The following RGL1 variants were observed in gnomAD, a reference collection of about 807,000 sequenced individuals.
RGL1 encodes the protein ral guanine nucleotide dissociation stimulator like 1.
RGL1 carries 24 observed loss-of-function variants against 95.2 expected under a neutral mutation model. The observed-to-expected ratio is 0.25, with a 90% CI of 0.18 to 0.35. RGL1 has a LOEUF of 0.35. Among genes scored for constraint, RGL1 ranks in the 10% least tolerant of loss-of-function variants. RGL1 has a pLI of 1.00. For synonymous variants in RGL1, 329 were observed against 344.9 expected, an observed-to-expected ratio of 0.95 and a Z score of 0.51; for missense variants, 715 against 936.3, an observed-to-expected ratio of 0.76 and a Z score of 3.08.
intron 1 of RGL1, among the ~76,000 whole-genome samples, chr1:183,679,164 A>C (rs1010329342): frequency 4.6e-5 from 7 of 152,144 alleles, no homozygotes; most frequent in African/African-American, 1.7e-4. Flanking sequence ...GAACCTTTTA[A>C]ATTTCTACCT....
At chr1:183,647,178 C>T (rs1211212933) in intron 1 of RGL1, 3 of 152,838 alleles carry the variant, frequency 2.0e-5, no homozygotes, top group Admixed American at 1.9e-4. Flanking sequence ...TTTTGAATCA[C>T]TTTAGAAAAA....
chr1:183,639,911 C>T (rs1649808681), intron 1 of RGL1, among the ~76,000 whole-genome samples: 1 of 151,792 alleles, frequency 6.6e-6, no homozygotes, highest in Non-Finnish European at 1.5e-5. Flanking sequence ...GGCACAATCT[C>T]AGCTCACTGC....
intron 3 of RGL1, among the ~76,000 whole-genome samples, chr1:183,853,332 GA>G (rs993172118): frequency 1.2e-4 from 18 of 150,982 alleles, no homozygotes; most frequent in East Asian, 5.8e-4. Flanking sequence ...CTGTCTAAAA[GA>G]AAAAAAAAGT....
At chr1:183,820,622 T>C (rs1257545529) in intron 2 of RGL1, among the ~76,000 whole-genome samples, 1 of 152,156 alleles carries the variant, frequency 6.6e-6, no homozygotes, top group Non-Finnish European at 1.5e-5. Flanking sequence ...TCTAGGCCTG[T>C]GCTGTTCAAT....
intron 1 of RGL1, among the ~76,000 whole-genome samples, chr1:183,731,486 C>T (rs1656627459): frequency 6.6e-6 from 1 of 152,150 alleles, no homozygotes; most frequent in African/African-American, 2.4e-5. Context: ...AAAGGTAGCA[C>T]AGATAAGGAA....
intron 4 of RGL1, among the ~76,000 whole-genome samples, chr1:183,870,705 A>G (rs1004892181): frequency 7.9e-5 from 12 of 152,208 alleles, no homozygotes; most frequent in African/African-American, 1.9e-4. Context: ...TTAAATGTCA[A>G]TAGTGCCTAA....
rs887342174 is a variant in RGL1, at chr1:183,691,749, C to T, written c.-32-50377C>T. On this transcript the variant is annotated intron_variant, in intron 1 of 18. Coordinates refer to the RGL1 transcript ENST00000304685. ...CATAGAATTCAGTTTAATTGGAGGA[C>T]CTGAGAAATTTGTTGACACTGGAAA... Among the ~76,000 whole-genome samples the T allele has an allele frequency of 4.1e-4, 62 of 152,054 alleles. 1 individual carries two copies. The highest frequency in any genetic ancestry group is 1.4e-3 in the African/African-American group (60 of 41,500).
intron 2 of RGL1, among the ~76,000 whole-genome samples, chr1:183,772,556 A>T (rs982388554): frequency 5.9e-5 from 9 of 152,044 alleles, no homozygotes; most frequent in Non-Finnish European, 1.2e-4. Context: ...TTCACTGGAA[A>T]CTCTACTCCC....
chr1:183,684,722 G>A (rs754638702), intron 1 of RGL1, among the ~76,000 whole-genome samples: 66 of 152,200 alleles, frequency 4.3e-4, no homozygotes, highest in Non-Finnish European at 7.5e-4. Flanking sequence ...GTGGTGTAGG[G>A]ACCCGAGGGA....
At chr1:183,662,133 C>T (rs2102027648) in intron 1 of RGL1, among the ~76,000 whole-genome samples, 1 of 151,578 alleles carries the variant, frequency 6.6e-6, no homozygotes, top group Non-Finnish European at 1.5e-5. Context: ...TCGAAGCATT[C>T]CCTTTGAAAA....
At chr1:183,787,067 G>A (rs568057939) in intron 2 of RGL1, among the ~76,000 whole-genome samples, 14 of 152,338 alleles carry the variant, frequency 9.2e-5, no homozygotes, top group African/African-American at 3.1e-4. Context: ...ACAGAGGAAC[G>A]TGGACAATTT....
chr1:183,825,789 C>G (rs1662805232), intron 2 of RGL1, among the ~76,000 whole-genome samples: 1 of 152,252 alleles, frequency 6.6e-6, no homozygotes, highest in Admixed American at 6.5e-5. Flanking sequence ...CTCATAGCAA[C>G]AAAAACTGAC....
chr1:183,787,918 G>C (rs1660259173), intron 2 of RGL1, among the ~76,000 whole-genome samples: 3 of 152,136 alleles, frequency 2.0e-5, no homozygotes, highest in Admixed American at 2.0e-4. Flanking sequence ...CTTCCACTAT[G>C]AGTGGAAGTA....
chr1:183,757,821 C>A (rs1221816263), intron 2 of RGL1, among the ~76,000 whole-genome samples: 1 of 152,170 alleles, frequency 6.6e-6, no homozygotes, highest in Non-Finnish European at 1.5e-5. Context: ...TGTTTGGTGG[C>A]AGAGTAAGAT....
At chr1:183,918,506 C>T (rs1669122786) in intron 16 of RGL1, among the ~76,000 whole-genome samples, 1 of 152,218 alleles carries the variant, frequency 6.6e-6, no homozygotes, top group African/African-American at 2.4e-5. Flanking sequence ...TGGATTTGTA[C>T]ACCAAACAGT....
At chr1:183,817,542 G>A (rs1662169125) in intron 2 of RGL1, among the ~76,000 whole-genome samples, 1 of 151,998 alleles carries the variant, frequency 6.6e-6, no homozygotes, top group African/African-American at 2.4e-5. Flanking sequence ...ATTCATATGG[G>A]ATCCCCCTGA....
chr1:183,722,288 AAGCTT>A (rs1656055365), intron 1 of RGL1, among the ~76,000 whole-genome samples: 1 of 152,034 alleles, frequency 6.6e-6, no homozygotes, highest in African/African-American at 2.4e-5. Flanking sequence ...ATCCAAAATG[AAGCTT>A]ACACACAGAG....
intron 2 of RGL1, among the ~76,000 whole-genome samples, chr1:183,827,077 C>G (rs1662917238): frequency 6.6e-6 from 1 of 152,170 alleles, no homozygotes; most frequent in South Asian, 2.1e-4. Flanking sequence ...CATACGCCAC[C>G]ATGCCCAGCT....
chr1:183,662,933 A>G (rs1651751763), intron 1 of RGL1, among the ~76,000 whole-genome samples: 1 of 152,212 alleles, frequency 6.6e-6, no homozygotes, highest in Non-Finnish European at 1.5e-5. Context: ...CTGATCTTTG[A>G]CAAATCTGAG....
Sources: allele counts gnomAD v4.1 joint callset (sites outside exome capture counted in the v4.1 genomes callset), GRCh38; gene constraint gnomAD v4.1.1; transcripts MANE v1.5; gene names NCBI Gene and HGNC (gene_info 2026-07-23, HGNC 2026-07-21).